Variants in PACS1 observed in about 807,000 individuals in gnomAD.
PACS1 encodes PACS-1.
In PACS1, 24 loss-of-function variants were observed where a neutral mutation model predicts 115.0. The ratio of observed to expected loss-of-function variants is 0.21; its 90% CI spans 0.15 to 0.29. The LOEUF is 0.29. Ranked by LOEUF, PACS1 falls within the 10% of genes least tolerant of loss-of-function variation. PACS1 has a pLI of 1.00. For synonymous variants in PACS1, 453 were observed against 504.5 expected, an observed-to-expected ratio of 0.90 and a Z score of 1.37; for missense variants, 838 against 1,251.2, an observed-to-expected ratio of 0.67 and a Z score of 4.98.
chr11:66,218,556 A>G (rs1369500162), intron 7 of PACS1: 1 of 152,194 alleles, frequency 6.6e-6, no homozygotes, highest in Non-Finnish European at 1.5e-5. Flanking sequence ...TATTCAAGGC[A>G]GAAGATACCC....
chr11:66,171,293 A>T (rs1859731663), intron 1 of PACS1, among the ~76,000 whole-genome samples: 1 of 150,358 alleles, frequency 6.7e-6, no homozygotes, highest in South Asian at 2.1e-4. Context: ...TGATTATTAT[A>T]TATCTGGTAT....
chr11:66,129,711 C>T (rs1858660950), intron 1 of PACS1, among the ~76,000 whole-genome samples: 1 of 151,976 alleles, frequency 6.6e-6, no homozygotes, highest in Non-Finnish European at 1.5e-5. Flanking sequence ...CTGGCTTGTG[C>T]TGCATCTTTA....
chr11:66,113,243 C>A (rs917231650), intron 1 of PACS1, among the ~76,000 whole-genome samples: 1 of 152,124 alleles, frequency 6.6e-6, no homozygotes, highest in Admixed American at 6.5e-5. Context: ...CTTTGGATTT[C>A]TTTTGTTTAC....
At chr11:66,234,490 T>C (rs2134741870) in intron 17 of PACS1, among the ~76,000 whole-genome samples, 1 of 152,350 alleles carries the variant, frequency 6.6e-6, no homozygotes, top group African/African-American at 2.4e-5. Context: ...ACAAGGGCCA[T>C]GCTGGCATAG....
intron 1 of PACS1, among the ~76,000 whole-genome samples, chr11:66,075,187 C>T (rs1857374732): frequency 6.6e-6 from 1 of 152,100 alleles, no homozygotes; most frequent in Non-Finnish European, 1.5e-5. Flanking sequence ...TTGTGATCTG[C>T]CCGCCTTGGC....
chr11:66,214,539 TTCCC>T (rs770695471), intron 4 of PACS1, among the ~76,000 whole-genome samples: 35 of 151,026 alleles, frequency 2.3e-4, no homozygotes, highest in Admixed American at 1.3e-3. Flanking sequence ...TTCCTTTCCT[TTCCC>T]TCCCTCCCTC....
At chr11:66,177,002 G>A (rs772930897) in intron 1 of PACS1, among the ~76,000 whole-genome samples, 12 of 152,092 alleles carry the variant, frequency 7.9e-5, no homozygotes, top group Non-Finnish European at 1.0e-4. Context: ...GTCAGGGATC[G>A]TTCTTGATTT....
Position 66,207,563 on chromosome 11 carries a change from G to C in PACS1, c.445-2799G>C, listed in dbSNP as rs181000986. On this transcript the variant is annotated intron_variant, in intron 2 of 23. Coordinates refer to ENST00000320580, the MANE Select transcript of PACS1 (RefSeq NM_018026.4). ...GTGGGTCTTGTGGGAGAGAGTGGCT[G>C]TTGGTTTTGCTTTTTATAGTTTATT... Among the ~76,000 whole-genome samples, 335 of 152,256 alleles carry C rather than the reference G, an allele frequency of 2.2e-3. 1 individual carries two copies. The highest frequency in any genetic ancestry group is 3.9e-3 in the Non-Finnish European group (268 of 68,008).
intron 1 of PACS1, among the ~76,000 whole-genome samples, chr11:66,099,099 A>G (rs1857850739): frequency 6.6e-6 from 1 of 151,998 alleles, no homozygotes; most frequent in Non-Finnish European, 1.5e-5. Context: ...GCTGGAATGC[A>G]GTGGCACAAT....
chr11:66,115,892 TCA>T (rs1477275462), intron 1 of PACS1, among the ~76,000 whole-genome samples: 1 of 152,236 alleles, frequency 6.6e-6, no homozygotes, highest in Non-Finnish European at 1.5e-5. Context: ...TCTGGCGGTT[TCA>T]GTTATCTTGA....
At chr11:66,073,916 CTTTTTTTT>C (rs34145797) in intron 1 of PACS1, among the ~76,000 whole-genome samples, 8 of 76,944 alleles carry the variant, frequency 1.0e-4, no homozygotes, top group African/African-American at 3.1e-4. Flanking sequence ...TCACACCTGG[CTTTTTTTT>C]TTTTTTTTTT....
At chr11:66,201,933 G>A (rs922580993) in intron 2 of PACS1, among the ~76,000 whole-genome samples, 1 of 151,884 alleles carries the variant, frequency 6.6e-6, no homozygotes, top group African/African-American at 2.4e-5. Flanking sequence ...TGGGATTACA[G>A]GTGTGAGCCA....
At chr11:66,087,248 T>G (rs970167414) in intron 1 of PACS1, among the ~76,000 whole-genome samples, 3 of 143,170 alleles carry the variant, frequency 2.1e-5, no homozygotes, top group Middle Eastern at 3.3e-3. Flanking sequence ...TTTTTTTTTG[T>G]TTTTTTTTTT....
intron 1 of PACS1, among the ~76,000 whole-genome samples, chr11:66,165,719 T>TTA (rs4013918): frequency 0.2 from 31,048 of 151,752 alleles, 3,240 homozygotes; most frequent in Middle Eastern, 0.27. Flanking sequence ...CTGTGGGTAT[T>TTA]TATATATATA....
chr11:66,229,627 C>T (rs974408549), intron 11 of PACS1, among the ~76,000 whole-genome samples: 11 of 150,468 alleles, frequency 7.3e-5, no homozygotes, highest in East Asian at 2.0e-4. Context: ...TGCAGTGAGC[C>T]GAGATCGCGC....
chr11:66,127,967 C>T lies in PACS1; in HGVS notation c.356+57125C>T, dbSNP rs537622118. Among the ~76,000 whole-genome samples, 7 of 152,104 alleles carry T rather than the reference C, an allele frequency of 4.6e-5. No individual in the cohort carries two copies. The South Asian group carries it at 8.3e-4, about 18-fold the overall frequency. ...TCTTACTGTGTATTTATAGGAAATACGAGGGATGGAGAAACATTGTAAATG... is the reference window on the plus strand; with the variant it reads ...TCTTACTGTGTATTTATAGGAAATATGAGGGATGGAGAAACATTGTAAATG... On this transcript the variant is annotated intron_variant, in intron 1 of 23. Coordinates refer to ENST00000320580, the MANE Select transcript of PACS1 (RefSeq NM_018026.4).
At chr11:66,180,023 G>T (rs1859963986) in intron 1 of PACS1, among the ~76,000 whole-genome samples, 1 of 152,088 alleles carries the variant, frequency 6.6e-6, no homozygotes, top group Non-Finnish European at 1.5e-5. Context: ...TTGTATTTTA[G>T]TAGAGATGGG....
intron 1 of PACS1, among the ~76,000 whole-genome samples, chr11:66,079,274 C>T (rs550841726): frequency 8.9e-6 from 1 of 112,558 alleles, no homozygotes; most frequent in Non-Finnish European, 1.8e-5. Flanking sequence ...TTTTGTTCCT[C>T]TTGGTAGGTG....
rs919019521 is a variant in PACS1, at chr11:66,070,383, G to A, written c.-104G>A. On this transcript the variant is annotated 5_prime_UTR_variant, in exon 1 of 24. Transcript: ENST00000320580. This position sits in a 1 kb window ranked among gnomAD's most constrained non-coding sequence, Gnocchi z 5.9. ...TCGCTGGCTGCTCGCGCTCGGGCAG[G>A]CGGGCTGAGGAGGCTGCCGCGCCCC... The A allele has an allele frequency of 1.8e-5, 11 of 623,482 alleles. No homozygotes were observed. The African/African-American group carries it at 2.1e-4, about 12-fold the overall frequency. The allele number at this position is 623,482 out of a possible 1,614,324, so 38.6% of individuals were successfully genotyped here. A position where few individuals can be genotyped will look rare whatever the true frequency, so the allele number is the denominator to read the frequency against.
Sources: allele counts gnomAD v4.1 joint callset (sites outside exome capture counted in the v4.1 genomes callset), GRCh38; gene constraint gnomAD v4.1.1; non-coding constraint Gnocchi (gnomAD v3.1); transcripts MANE v1.5; gene names NCBI Gene and HGNC (gene_info 2026-07-23, HGNC 2026-07-21).